MARK3: variants seen among roughly 807,000 people sequenced by gnomAD.
MARK3 encodes the protein microtubule affinity regulating kinase 3, also known as MAP/microtubule affinity-regulating kinase 3.
A neutral mutation model predicts 90.1 loss-of-function variants in MARK3; 46 were observed. The observed-to-expected ratio is 0.51, with a 90% confidence interval of 0.40 to 0.65. The LOEUF is 0.65. Among genes scored for constraint, MARK3 ranks in the 30% least tolerant of loss-of-function variants. The pLI, the probability that MARK3 is intolerant of heterozygous loss-of-function variation, is 0.00. For synonymous variants in MARK3, 321 were observed against 332.6 expected (o/e 0.97, Z 0.38); for missense variants, 818 against 947.2 (o/e 0.86, Z 1.79).
intron 3 of MARK3, among the ~76,000 whole-genome samples, chr14:103,439,767 A>T (rs911665870): frequency 6.6e-5 from 10 of 151,834 alleles, no homozygotes; most frequent in Admixed American, 6.6e-4. Flanking sequence ...GTATTCTCCT[A>T]TTGGCTTTTG....
At chr14:103,439,529 C>T (rs2092799219) in intron 3 of MARK3, among the ~76,000 whole-genome samples, 1 of 152,134 alleles carries the variant, frequency 6.6e-6, no homozygotes, top group South Asian at 2.1e-4. Flanking sequence ...GTGCCTCAGC[C>T]TCCTGAGTAG....
At chr14:103,495,905 G>GT (rs1343122136) in intron 15 of MARK3, among the ~76,000 whole-genome samples, 3 of 152,236 alleles carry the variant, frequency 2.0e-5, no homozygotes, top group Non-Finnish European at 4.4e-5. Context: ...AAAGGCTGAG[G>GT]TGTTTGCACT....
intron 2 of MARK3, among the ~76,000 whole-genome samples, chr14:103,413,428 G>GCT (rs2140864300): frequency 1.0e-5 from 1 of 95,286 alleles, no homozygotes; most frequent in South Asian, 5.4e-4. Context: ...TTAATAGCAT[G>GCT]CTTTTTTTTT....
At chr14:103,410,202 G>A (rs1595524523) in intron 2 of MARK3, among the ~76,000 whole-genome samples, 2 of 152,286 alleles carry the variant, frequency 1.3e-5, no homozygotes, top group African/African-American at 4.8e-5. Flanking sequence ...GTGGAGGCTG[G>A]GAAGTCCAAG....
chr14:103,432,147 C>T (rs541700575), intron 3 of MARK3, among the ~76,000 whole-genome samples: 2 of 152,108 alleles, frequency 1.3e-5, no homozygotes, highest in Admixed American at 6.5e-5. Context: ...AAGACAAGAA[C>T]AAGACTTTTC....
intron 14 of MARK3, among the ~76,000 whole-genome samples, chr14:103,486,525 T>C (rs150644733): frequency 6.6e-6 from 1 of 152,266 alleles, no homozygotes; most frequent in East Asian, 1.9e-4. Flanking sequence ...ATTAAAAAAA[T>C]GTAATGCTGC....
At chr14:103,495,238 A>T (rs905908778) in intron 15 of MARK3, among the ~76,000 whole-genome samples, 2 of 152,208 alleles carry the variant, frequency 1.3e-5, no homozygotes, top group African/African-American at 4.8e-5. Context: ...TGGGAGGCCA[A>T]GGCAGGTAGA....
chr14:103,491,367 A>G (rs2094013362), intron 14 of MARK3: 3 of 211,114 alleles, frequency 1.4e-5, no homozygotes, highest in African/African-American at 2.3e-5. Flanking sequence ...TTATACATAT[A>G]TCATTTGTTT....
chr14:103,450,638 G>C (rs1402600767), intron 4 of MARK3, among the ~76,000 whole-genome samples: 2 of 152,118 alleles, frequency 1.3e-5, no homozygotes, highest in African/African-American at 2.4e-5. Flanking sequence ...ACGTATCAGA[G>C]TCTAGGGAAT....
intron 13 of MARK3, among the ~76,000 whole-genome samples, chr14:103,475,585 CA>C (rs2093700326): frequency 6.6e-6 from 1 of 152,154 alleles, no homozygotes; most frequent in African/African-American, 2.4e-5. Flanking sequence ...CCAGAGGAGA[CA>C]AATGCTGTGT....
At chr14:103,453,792 C>T (rs1254270008) in intron 5 of MARK3, among the ~76,000 whole-genome samples, 1 of 152,178 alleles carries the variant, frequency 6.6e-6, no homozygotes, top group Non-Finnish European at 1.5e-5. Flanking sequence ...ACCAGATCTC[C>T]TTTGACCTTC....
intron 2 of MARK3, 43 bp downstream of exon 2, chr14:103,405,310 G>A (rs759069617): frequency 2.9e-6 from 4 of 1,381,398 alleles, no homozygotes; most frequent in Non-Finnish European, 3.9e-6. Context: ...CAGTTGCTCT[G>A]TTTATTTCCA....
In MARK3 at chr14:103,491,830, C is replaced by T. The variant is rs1302450954; in HGVS notation, c.1640C>T (p.Ala547Val). 1 of 1,614,164 alleles carries T rather than the reference C, an allele frequency of 6.2e-7. No homozygotes were observed. The highest frequency in any genetic ancestry group is 1.3e-5 in the African/African-American group (1 of 75,028). Residue 547 changes from alanine (A) to valine (V), a missense_variant, in exon 15 of 18, where the codon GCA becomes GTA. Coordinates refer to ENST00000429436, the MANE Select transcript of MARK3 (RefSeq NM_001128918.3). ...PVASTHSISSAATPDRIRFPR... is the reference protein window; with the variant it reads ...PVASTHSISSVATPDRIRFPR... ...GCTTCAACACACAGTATCAGTAGTG[C>T]AGCCACCCCAGATCGAATCCGCTTC...
intron 3 of MARK3, among the ~76,000 whole-genome samples, chr14:103,437,553 G>C (rs2092746105): frequency 6.6e-6 from 1 of 152,192 alleles, no homozygotes; most frequent in South Asian, 2.1e-4. Context: ...CTTCCAAGGA[G>C]CTGGGATTAC....
At chr14:103,401,879 G>A (rs2090986383) in intron 1 of MARK3, among the ~76,000 whole-genome samples, 1 of 152,168 alleles carries the variant, frequency 6.6e-6, no homozygotes, top group South Asian at 2.1e-4. Context: ...TCATGAAGAT[G>A]GTGACAGATG....
At chr14:103,443,618 C>T (rs942401918) in intron 3 of MARK3, among the ~76,000 whole-genome samples, 1 of 152,166 alleles carries the variant, frequency 6.6e-6, no homozygotes, top group African/African-American at 2.4e-5. Flanking sequence ...TGGAAGTCGT[C>T]TTTGAGACTT....
In MARK3 at chr14:103,499,949, T is replaced by TGCACACCCCTGC. The variant is rs1233791461; in HGVS notation, c.1872-206_1872-195dup. The stretch of plus-strand genomic sequence containing the variant: ...GTGTGCAGCATGGAGCTGGCCCCTG[T>TGCACACCCCTGC]GCACACCCCTGCAGCCTTGTGGAAG... On this transcript the variant is annotated intron_variant, in intron 16 of 17. Transcript: ENST00000429436. 4.6e-5 allele frequency: 27 copies of TGCACACCCCTGC among 588,572 alleles called. No homozygotes were observed. The Admixed American group carries it at 6.9e-4, about 15-fold the overall frequency. 36.5% of individuals were successfully genotyped at this position (588,572 alleles called of 1,614,324 possible).
chr14:103,400,898 CAA>C (rs34861063), intron 1 of MARK3, among the ~76,000 whole-genome samples: 161 of 70,024 alleles, frequency 2.3e-3, no homozygotes, highest in African/African-American at 8.0e-3. Flanking sequence ...GACCCTGTCT[CAA>C]AAAAAAAAAA....
intron 5 of MARK3, 128 bp from the exon 6 acceptor site, chr14:103,457,014 C>T (rs2093291892): frequency 1.9e-6 from 1 of 528,922 alleles, no homozygotes; most frequent in Non-Finnish European, 3.4e-6. Context: ...TCAAATTCCA[C>T]ATATTTCTGG....
Sources: gnomAD v4.1 joint callset for allele counts (sites outside exome capture counted in the v4.1 genomes callset) on GRCh38, gnomAD v4.1.1 for gene constraint, MANE v1.5 for transcripts, NCBI Gene and HGNC (gene_info 2026-07-23, HGNC 2026-07-21) for gene names.